The following GPM6A variants were observed in gnomAD, a reference collection of about 807,000 sequenced individuals.
GPM6A encodes the protein neuronal membrane glycoprotein M6-a.
Under a neutral mutation model 32.1 loss-of-function variants are expected in GPM6A, and 7 were observed. That is an observed-to-expected ratio of 0.22 (90% CI 0.12 to 0.41). The LOEUF is 0.41. Among genes scored for constraint, GPM6A ranks in the 10% least tolerant of loss-of-function variants. GPM6A has a pLI of 1.00. For synonymous variants in GPM6A, 130 were observed against 123.4 expected (o/e 1.05, Z -0.35); for missense variants, 235 against 347.2 (o/e 0.68, Z 2.57).
chr4:175,876,668 A>C (rs2111448934), intron 1 of GPM6A, among the ~76,000 whole-genome samples: 1 of 152,310 alleles, frequency 6.6e-6, no homozygotes, highest in Non-Finnish European at 1.5e-5. Context: ...CTTTAACATG[A>C]AAGTGGGAAA....
At chr4:175,655,067 C>T (rs1742008232) in intron 3 of GPM6A, among the ~76,000 whole-genome samples, 2 of 152,092 alleles carry the variant, frequency 1.3e-5, no homozygotes, top group Admixed American at 1.3e-4. Context: ...CTTTACAAGG[C>T]AATGAAAGGT....
chr4:175,940,925 T>C (rs1739385822), intron 1 of GPM6A, among the ~76,000 whole-genome samples: 2 of 152,178 alleles, frequency 1.3e-5, no homozygotes, highest in Admixed American at 6.5e-5. Flanking sequence ...TTTAACTACG[T>C]TGGCACAGTT....
intron 1 of GPM6A, among the ~76,000 whole-genome samples, chr4:175,738,971 G>A (rs1731773642): frequency 6.6e-6 from 1 of 151,966 alleles, no homozygotes; most frequent in African/African-American, 2.4e-5. Flanking sequence ...AGTAGTCTTT[G>A]CTTTCATGAA....
At chr4:175,659,778 A>G (rs1206190467) in intron 3 of GPM6A, among the ~76,000 whole-genome samples, 1 of 152,182 alleles carries the variant, frequency 6.6e-6, no homozygotes, top group African/African-American at 2.4e-5. Flanking sequence ...CTTACTGCTT[A>G]TCTCTAAGGC....
chr4:175,901,042 G>A (rs1737948172), intron 1 of GPM6A, among the ~76,000 whole-genome samples: 2 of 151,948 alleles, frequency 1.3e-5, no homozygotes, highest in African/African-American at 4.8e-5. Context: ...AATATCATAT[G>A]TCCTTACCTA....
intron 1 of GPM6A, among the ~76,000 whole-genome samples, chr4:175,856,597 T>A (rs1280089110): frequency 1.3e-5 from 2 of 152,174 alleles, no homozygotes; most frequent in Admixed American, 6.5e-5. Context: ...ACACAGTGCA[T>A]CCCAAATTCT....
In GPM6A at chr4:175,655,846, T is replaced by C. The variant is rs964548081; in HGVS notation, c.388-3859A>G. ...TGATAATTTTCTCATAGGGCTATGA[T>C]GTAAACAAGGGGAAGGTTCTATATA... is the stretch of plus-strand genomic sequence containing the variant. On this transcript the variant is annotated intron_variant, in intron 3 of 6. Transcript: ENST00000393658. 9.1e-4 allele frequency among the ~76,000 whole-genome samples: 139 copies of C among 152,188 alleles called. 1 individual carries two copies. Among genetic ancestry groups the C allele is most frequent in the Non-Finnish European group, 4.1e-4 (28 of 67,950 alleles).
At chr4:175,782,598 C>A (rs1426794584) in intron 1 of GPM6A, among the ~76,000 whole-genome samples, 1 of 152,078 alleles carries the variant, frequency 6.6e-6, no homozygotes, top group East Asian at 1.9e-4. Flanking sequence ...TGCAGCTATA[C>A]TCTCCAGTTT....
At chr4:175,873,537 A>C (rs1345824858) in intron 1 of GPM6A, among the ~76,000 whole-genome samples, 1 of 152,156 alleles carries the variant, frequency 6.6e-6, no homozygotes, top group Non-Finnish European at 1.5e-5. Context: ...CTATAAATAG[A>C]GTAATTATGA....
At chr4:175,846,989 G>A (rs1018713418) in intron 1 of GPM6A, among the ~76,000 whole-genome samples, 22 of 152,066 alleles carry the variant, frequency 1.4e-4, no homozygotes, top group African/African-American at 4.8e-4. Context: ...AACATGTGCT[G>A]TATAAGTAAG....
intron 4 of GPM6A, among the ~76,000 whole-genome samples, chr4:175,645,202 A>T (rs1434508229): frequency 1.3e-5 from 2 of 152,218 alleles, no homozygotes; most frequent in African/African-American, 4.8e-5. Flanking sequence ...TGAAAGTTGC[A>T]GTAACGGGCT....
chr4:175,975,904 T>C (rs1452807328), intron 1 of GPM6A, among the ~76,000 whole-genome samples: 1 of 152,196 alleles, frequency 6.6e-6, no homozygotes, highest in East Asian at 1.9e-4. Context: ...GATTTTCATC[T>C]GCTTATACCG....
At chr4:175,940,850 G>A (rs1031607382) in intron 1 of GPM6A, among the ~76,000 whole-genome samples, 14 of 152,148 alleles carry the variant, frequency 9.2e-5, no homozygotes, top group East Asian at 3.9e-4. Flanking sequence ...CTTGTGATCC[G>A]CCAGCCTCAG....
At chr4:175,683,322 G>A (rs1388463335) in intron 2 of GPM6A, among the ~76,000 whole-genome samples, 1 of 152,156 alleles carries the variant, frequency 6.6e-6, no homozygotes, top group Admixed American at 6.5e-5. Flanking sequence ...ATCTTGGAAG[G>A]AATTAACTTG....
intron 1 of GPM6A, among the ~76,000 whole-genome samples, chr4:175,948,064 C>T (rs1473857864): frequency 1.3e-5 from 2 of 152,222 alleles, no homozygotes; most frequent in Non-Finnish European, 2.9e-5. Context: ...CCAAACACAT[C>T]CCATTTCAGA....
At chr4:175,882,026 G>A (rs947458394) in intron 1 of GPM6A, among the ~76,000 whole-genome samples, 1 of 151,526 alleles carries the variant, frequency 6.6e-6, no homozygotes, top group Admixed American at 6.6e-5. Context: ...TTTAAAAAAG[G>A]GGAGAAATTG....
At chr4:175,811,246 G>T (rs1045415019) in intron 1 of GPM6A, among the ~76,000 whole-genome samples, 4 of 152,052 alleles carry the variant, frequency 2.6e-5, no homozygotes, top group African/African-American at 9.7e-5. Flanking sequence ...AACTTTGACA[G>T]CTGAATCTTT....
chr4:175,820,776 G>A (rs1735255556), intron 1 of GPM6A, among the ~76,000 whole-genome samples: 1 of 152,098 alleles, frequency 6.6e-6, no homozygotes. Flanking sequence ...TGGGATTACA[G>A]GCATGAGCCA....
At chr4:175,885,635 A>T (rs999453625) in intron 1 of GPM6A, among the ~76,000 whole-genome samples, 1 of 152,178 alleles carries the variant, frequency 6.6e-6, no homozygotes, top group African/African-American at 2.4e-5. Flanking sequence ...TGTCTCAAAA[A>T]AGAAAAGAAT....
Sources: allele counts gnomAD v4.1 joint callset (sites outside exome capture counted in the v4.1 genomes callset), GRCh38; gene constraint gnomAD v4.1.1; transcripts MANE v1.5; gene names NCBI Gene and HGNC (gene_info 2026-07-23, HGNC 2026-07-21).